MAX: variants seen among roughly 807,000 people sequenced by gnomAD.
MAX encodes MYC associated transcriptional regulator X.
MAX carries 3 observed loss-of-function variants against 22.3 expected under a neutral mutation model. The ratio of observed to expected loss-of-function variants is 0.13; its 90% CI spans 0.06 to 0.35. MAX has a LOEUF of 0.35. MAX is among the 10% of genes least tolerant of loss of function. MAX has a pLI of 1.00. For synonymous variants in MAX, 72 were observed against 77.7 expected, an observed-to-expected ratio of 0.93 and a Z score of 0.39; for missense variants, 119 against 209.4, an observed-to-expected ratio of 0.57 and a Z score of 2.66.
rs181811777 is a variant in MAX, at chr14:65,030,541, C to T, written c.172-24257G>A. 1.3e-3 allele frequency among the ~76,000 whole-genome samples: 191 copies of T among 152,170 alleles called. No individual in the cohort carries two copies. The highest frequency in any genetic ancestry group is 4.6e-3 in the African/African-American group (191 of 41,524). The stretch of plus-strand genomic sequence containing the variant: ...ATCACTTGAGGCCAGGAGTTCAAGA[C>T]CAACCTGGGTAACACAGCAAGACCC... On this transcript the variant is annotated intron_variant, in intron 3 of 3. Transcript: ENST00000341653. This position sits in a 1 kb window ranked among gnomAD's most constrained non-coding sequence, Gnocchi z 4.5.
intron 3 of MAX, among the ~76,000 whole-genome samples, chr14:65,057,736 G>A (rs1192361001): frequency 6.6e-6 from 1 of 152,150 alleles, no homozygotes; most frequent in Non-Finnish European, 1.5e-5. Context: ...TTCTGTGTAT[G>A]GTGAGGCTTG....
At position 65,023,261 on chromosome 14, in the gene MAX, G is replaced by A. The variant is rs2061920632; in HGVS notation, c.172-16977C>T. ...TCTTGTAGAGATGGGGTTTTGCCAT[G>A]TTGCCCAGGCTGGCCTTGAACTCCT... On this transcript the variant is annotated intron_variant, in intron 3 of 3. Transcript: ENST00000341653. This position sits in a 1 kb window ranked among gnomAD's most constrained non-coding sequence, Gnocchi z 4.1. Among the ~76,000 whole-genome samples, 1 of 152,132 alleles carries A rather than the reference G, an allele frequency of 6.6e-6. No individual in the cohort carries two copies. The highest frequency in any genetic ancestry group is 2.4e-5 in the African/African-American group (1 of 41,408).
At chr14:65,068,755 A>G (rs1188334830) in intron 3 of MAX, among the ~76,000 whole-genome samples, 3 of 152,112 alleles carry the variant, frequency 2.0e-5, no homozygotes, top group Non-Finnish European at 4.4e-5. Flanking sequence ...CTGCATGTTG[A>G]TAATTGTTCA....
intron 3 of MAX, among the ~76,000 whole-genome samples, chr14:65,058,865 T>G (rs1474133113): frequency 6.6e-6 from 1 of 152,232 alleles, no homozygotes; most frequent in African/African-American, 2.4e-5. Context: ...TTTGCCAGTA[T>G]GTTTGCCTAG....
chr14:65,092,569 A>T (rs528745399), intron 3 of MAX, among the ~76,000 whole-genome samples: 1 of 152,302 alleles, frequency 6.6e-6, no homozygotes, highest in East Asian at 1.9e-4. Flanking sequence ...AGGTCATTAA[A>T]TCAAGTCCAC....
chr14:65,040,954 C>T (rs754135429), intron 3 of MAX: 1 of 1,607,116 alleles, frequency 6.2e-7, no homozygotes, highest in East Asian at 2.2e-5. Context: ...CTCTCAGGCC[C>T]CAGGTCATGG....
Position 65,084,827 on chromosome 14 carries a change from A to G in MAX, c.172-6791T>C, listed in dbSNP as rs561832162. Among the ~76,000 whole-genome samples, 2 of 152,334 alleles carry G rather than the reference A, an allele frequency of 1.3e-5. No individual in the cohort carries two copies. Among genetic ancestry groups the G allele is most frequent in the East Asian group, 3.9e-4 (2 of 5,190 alleles). On this transcript the variant is annotated intron_variant, in intron 3 of 4. Transcript: ENST00000358664. The surrounding 1 kb of genome is among the most constrained non-coding windows in gnomAD (Gnocchi z 4.3). ...AGACCAGGAAGGAATACACAAATTG[A>G]TAACACTATATTTCCTTGCTTGTTA... is the stretch of plus-strand genomic sequence containing the variant.
chr14:65,076,015 G>A lies in MAX; in HGVS notation c.*461C>T, dbSNP rs183428804. On this transcript the variant is annotated 3_prime_UTR_variant, in exon 5 of 5. Transcript: ENST00000358664. The surrounding 1 kb of genome is among the most constrained non-coding windows in gnomAD (Gnocchi z 6.6). ...GGGTTCATTCTGATTACTCCAAACCGGTCATCTTCTCAAAGTAGAGCAGTT... is the reference window on the plus strand; with the variant it reads ...GGGTTCATTCTGATTACTCCAAACCAGTCATCTTCTCAAAGTAGAGCAGTT... 1,380 of 1,104,656 alleles carry A rather than the reference G, an allele frequency of 1.2e-3. 64 individuals are homozygous for A. The Admixed American group carries it at 0.054, about 43-fold the overall frequency. The allele number at this position is 1,104,656 out of a possible 1,614,324, so 68.4% of individuals were successfully genotyped here. A position where few individuals can be genotyped will look rare whatever the true frequency, so the allele number is the denominator to read the frequency against.
At chr14:65,098,474 G>A (rs1379415901) in intron 2 of MAX, among the ~76,000 whole-genome samples, 1 of 152,146 alleles carries the variant, frequency 6.6e-6, no homozygotes, top group Admixed American at 6.5e-5. Flanking sequence ...ACTCAGTCAG[G>A]TGCCATCAAG....
intron 3 of MAX, among the ~76,000 whole-genome samples, chr14:65,043,249 A>C (rs1023746125): frequency 2.4e-4 from 36 of 152,224 alleles, no homozygotes; most frequent in Non-Finnish European, 4.6e-4. Flanking sequence ...ACCCATGACT[A>C]TCTTGATCTT....
At chr14:65,051,068 T>C (rs967921781) in intron 3 of MAX, among the ~76,000 whole-genome samples, 3 of 152,234 alleles carry the variant, frequency 2.0e-5, no homozygotes, top group Admixed American at 1.3e-4. Flanking sequence ...TATCAAAGCA[T>C]GTGGCCTGCA....
At chr14:65,102,636 G>C (rs2063885827), upstream of MAX, 1 of 1,152,098 alleles carries the variant, frequency 8.7e-7, no homozygotes, top group East Asian at 3.6e-5. Flanking sequence ...GGCCCGGGTA[G>C]CTCCAGAAAA....
intron 3 of MAX, among the ~76,000 whole-genome samples, chr14:65,035,692 G>A (rs1182369152): frequency 6.6e-6 from 1 of 151,696 alleles, no homozygotes; most frequent in Non-Finnish European, 1.5e-5. Flanking sequence ...ACCATAACCA[G>A]CTAATGTTTA....
chr14:65,010,787 C>T (rs1381789819), intron 3 of MAX, among the ~76,000 whole-genome samples: 1 of 152,194 alleles, frequency 6.6e-6, no homozygotes, highest in Non-Finnish European at 1.5e-5. Flanking sequence ...AGTACTCCTG[C>T]TTTCCTCCCA....
Position 65,076,269 on chromosome 14 carries a change from C to T in MAX, c.*207G>A. 6.9e-7 allele frequency: 1 copy of T among 1,439,796 alleles called. No homozygotes were observed. The highest frequency in any genetic ancestry group is 9.1e-7 in the Non-Finnish European group (1 of 1,103,262). The allele number at this position is 1,439,796 out of a possible 1,614,324, so 89.2% of individuals were successfully genotyped here. A position where few individuals can be genotyped will look rare whatever the true frequency, so the allele number is the denominator to read the frequency against. On this transcript the variant is annotated 3_prime_UTR_variant, in exon 5 of 5. Transcript: ENST00000358664. This position sits in a 1 kb window ranked among gnomAD's most constrained non-coding sequence, Gnocchi z 6.6. ...GGACAGGGAATCCCTGAAGGGAATA[C>T]ATTAAAAAATATACAGTGGAAATGG...
In MAX at chr14:65,021,975, C is replaced by A. The variant is rs530629139; in HGVS notation, c.172-15691G>T. ...GTAGCCAACTTTCGACCTGACCATT[C>A]TTCCAGAACAGCAGCCATCCAGAGA... On this transcript the variant is annotated intron_variant, in intron 3 of 3. Coordinates refer to the MAX transcript ENST00000341653. 2.4e-5 allele frequency: 11 copies of A among 456,040 alleles called. No individual in the cohort carries two copies. In the Admixed American group the frequency reaches 2.6e-4, roughly 11 times the overall value. 28.2% of individuals were successfully genotyped at this position (456,040 alleles called of 1,614,324 possible).
At position 65,009,171 on chromosome 14, in the gene MAX, A is replaced by G. The variant is rs747068770; in HGVS notation, c.172-2887T>C. 6.6e-6 allele frequency among the ~76,000 whole-genome samples: 1 copy of G among 152,182 alleles called. No individual in the cohort carries two copies. The highest frequency in any genetic ancestry group is 1.9e-4 in the East Asian group (1 of 5,204). ...AGAATGAAGGACCGGTGAGGGTATT[A>G]GTCAGCTTGGGCTGCCATAAGACGG... On this transcript the variant is annotated intron_variant, in intron 3 of 3. Coordinates refer to the MAX transcript ENST00000341653. The surrounding 1 kb of genome is among the most constrained non-coding windows in gnomAD (Gnocchi z 4.2).
chr14:65,026,126 G>T (rs1297453760), intron 3 of MAX, among the ~76,000 whole-genome samples: 2 of 152,190 alleles, frequency 1.3e-5, no homozygotes, highest in Non-Finnish European at 2.9e-5. Context: ...AAAGCGCCCA[G>T]GAAAGAAGGC....
At chr14:65,033,305 T>C (rs1213462175) in intron 3 of MAX, among the ~76,000 whole-genome samples, 1 of 152,216 alleles carries the variant, frequency 6.6e-6, no homozygotes, top group African/African-American at 2.4e-5. Context: ...GAGAATTCTG[T>C]ATTGTTTCTG....
Sources: gnomAD v4.1 joint callset for allele counts (sites outside exome capture counted in the v4.1 genomes callset) on GRCh38, gnomAD v4.1.1 for gene constraint, Gnocchi (gnomAD v3.1) non-coding constraint, MANE v1.5 for transcripts, NCBI Gene and HGNC (gene_info 2026-07-23, HGNC 2026-07-21) for gene names.